POLR2K: variants seen among roughly 807,000 people sequenced by gnomAD.
POLR2K encodes DNA-directed RNA polymerases I, II, and III subunit RPABC4.
Under a neutral mutation model 10.1 loss-of-function variants are expected in POLR2K, and 9 were observed. The ratio of observed to expected loss-of-function variants is 0.89; its 90% CI spans 0.54 to 1.56. The LOEUF (loss-of-function observed/expected upper bound fraction) is 1.56. Among genes scored for constraint, POLR2K ranks in the 40% most tolerant of loss-of-function variants. The probability of loss-of-function intolerance (pLI) is 0.00; values close to 1 mark genes in which losing one functional copy is unlikely to be tolerated. For synonymous variants in POLR2K, 19 were observed against 20.3 expected, an observed-to-expected ratio of 0.94 and a Z score of 0.17; for missense variants, 53 against 71.9, an observed-to-expected ratio of 0.74 and a Z score of 0.95.
In POLR2K at chr8:100,153,408, G is replaced by A. The variant is rs1051587137; in HGVS notation, c.*92G>A. The stretch of plus-strand genomic sequence containing the variant: ...TGTATAGCTTTCGATTTTGCTTACA[G>A]TAGTTCCCCCTTATCTTCGGGAGAT... On this transcript the variant is annotated 3_prime_UTR_variant, in exon 4 of 4. Transcript: ENST00000353107. 3.5e-6 allele frequency: 4 copies of A among 1,132,416 alleles called. No homozygotes were observed. In the Admixed American group the frequency reaches 7.3e-5, roughly 21 times the overall value. 70.1% of individuals were successfully genotyped at this position (1,132,416 alleles called of 1,614,324 possible). A position where few individuals can be genotyped will look rare whatever the true frequency, so the allele number is the denominator to read the frequency against.
In POLR2K at chr8:100,153,935, G is replaced by C. The variant is rs987702970; in HGVS notation, c.*619G>C. ...TAATCAAAACCTAGAATCATCTGCA[G>C]TCCTTGTTAAAAATGCAGGTTTCTA... is the stretch of plus-strand genomic sequence containing the variant. On this transcript the variant is annotated 3_prime_UTR_variant, in exon 4 of 4. Coordinates refer to ENST00000353107, the MANE Select transcript of POLR2K (RefSeq NM_005034.4). The C allele has an allele frequency of 6.6e-6, 1 of 152,274 alleles. No individual in the cohort carries two copies. Among genetic ancestry groups the C allele is most frequent in the Middle Eastern group, 3.4e-3 (1 of 294 alleles). 9.4% of individuals were successfully genotyped at this position (152,274 alleles called of 1,614,324 possible). A position where few individuals can be genotyped will look rare whatever the true frequency, so the allele number is the denominator to read the frequency against.
chr8:100,153,345 C>T lies in POLR2K; in HGVS notation c.*29C>T. On this transcript the variant is annotated 3_prime_UTR_variant, in exon 4 of 4. Transcript: ENST00000353107. ...CTGGGAATTCAGAGGAATGTCTTCA[C>T]TTATACTTGGATTTGCTCTCTTCCC... 1 of 1,594,522 alleles carries T rather than the reference C, an allele frequency of 6.3e-7. No individual in the cohort carries two copies. Among genetic ancestry groups the T allele is most frequent in the Non-Finnish European group, 8.6e-7 (1 of 1,163,192 alleles).
rs200510163 is a variant in POLR2K at position 100,151,404 on chromosome 8, T to C, written c.49T>C (p.Tyr17His). 19 of 1,601,720 alleles carry C rather than the reference T, an allele frequency of 1.2e-5. No homozygotes were observed. Among genetic ancestry groups the C allele is most frequent in the Admixed American group, 3.3e-5 (2 of 59,998 alleles). ...VQPPKQQPMI[Y>H]ICGECHTENE... The stretch of plus-strand genomic sequence containing the variant: ...ACCTCCAAAGCAGCAACCAATGATA[T>C]ATATCTGTGGAGGTAAGAGTAGCAC... The change falls in exon 2 of 4, where the codon TAT becomes CAT. Residue 17 changes from tyrosine to histidine, a missense_variant. By Grantham distance (83) the Tyr-to-His change is moderately conservative (BLOSUM62 2). Transcript: ENST00000353107.
At position 100,151,415 on chromosome 8, in the gene POLR2K, AG is replaced by A; in HGVS notation, c.61+1del. On this transcript the variant is annotated frameshift_variant and splice_region_variant, in exon 2 of 4. Coordinates refer to ENST00000353107, the MANE Select transcript of POLR2K (RefSeq NM_005034.4). LOFTEE classifies it high-confidence loss of function. The stretch of plus-strand genomic sequence containing the variant: ...AGCAACCAATGATATATATCTGTGG[AG>A]GTAAGAGTAGCACTTACCTAAAGTA... Reference protein sequence around the residue: ...KQQPMIYICGECHTENEIKSR... With the variant: ...KQQPMIYICGXCHTENEIKSR... 2.6e-6 allele frequency: 4 copies of A among 1,567,636 alleles called. No homozygotes were observed. Among genetic ancestry groups the A allele is most frequent in the Non-Finnish European group, 3.5e-6 (4 of 1,137,604 alleles).
rs754491099 is a variant in POLR2K, at chr8:100,151,389, C to T, written c.34C>T (p.Gln12Ter). Residue 12 changes from glutamine to a stop codon, truncating the protein, a stop_gained, in exon 2 of 4, where the codon CAG (glutamine) becomes TAG (stop). Transcript: ENST00000353107. LOFTEE classifies it high-confidence loss of function. ...DTQKDVQPPK[Q>*]QPMIYICGEC... ...CCAGAAGGACGTTCAACCTCCAAAG[C>T]AGCAACCAATGATATATATCTGTGG... is the stretch of plus-strand genomic sequence containing the variant. 3.1e-6 allele frequency: 5 copies of T among 1,608,614 alleles called. No individual in the cohort carries two copies. The highest frequency in any genetic ancestry group is 4.3e-6 in the Non-Finnish European group (5 of 1,174,960).
At chr8:100,152,018 T>C (rs1245325947) in intron 3 of POLR2K, 102 bp downstream of exon 3, 2 of 697,178 alleles carry the variant, frequency 2.9e-6, no homozygotes, top group East Asian at 5.5e-5. Context: ...CTTTCTGGAT[T>C]ACAGTACTTA....
At position 100,151,375 on chromosome 8, in the gene POLR2K, T is replaced by C. The variant is rs1352092858; in HGVS notation, c.20T>C (p.Val7Ala). Reference protein sequence around the residue: MDTQKDVQPPKQQPMIY... With the variant: MDTQKDAQPPKQQPMIY... The stretch of plus-strand genomic sequence containing the variant: ...CTAACAATGGACACCCAGAAGGACG[T>C]TCAACCTCCAAAGCAGCAACCAATG... Residue 7 changes from valine to alanine, a missense_variant, in exon 2 of 4, where the codon GTT becomes GCT. Val to Ala is a moderately conservative substitution (Grantham distance 64). Transcript: ENST00000353107. 3 of 1,610,742 alleles carry C rather than the reference T, an allele frequency of 1.9e-6. No homozygotes were observed. The Admixed American group carries it at 5.0e-5, about 27-fold the overall frequency.
chr8:100,152,033 AC>A lies in POLR2K; in HGVS notation c.154+118del, dbSNP rs958188432. 36 of 673,134 alleles carry A rather than the reference AC, an allele frequency of 5.3e-5. No homozygotes were observed. The African/African-American group carries it at 6.0e-4, about 11-fold the overall frequency. The allele number at this position is 673,134 out of a possible 1,614,324, so 41.7% of individuals were successfully genotyped here. On this transcript the variant is annotated intron_variant, in intron 3 of 3. Coordinates refer to ENST00000353107, the MANE Select transcript of POLR2K (RefSeq NM_005034.4). ...CTTTCTGGATTACAGTACTTAAAAAACAAACATGATTAGCATTTTCATGGAC... is the reference window on the plus strand; with the variant it reads ...CTTTCTGGATTACAGTACTTAAAAAAAAACATGATTAGCATTTTCATGGAC...
chr8:100,153,150 G>A (rs1237992524), intron 3 of POLR2K, 144 bp from the exon 4 acceptor site: 1 of 611,256 alleles, frequency 1.6e-6, no homozygotes, highest in East Asian at 2.9e-5. Flanking sequence ...AAAACCAGTT[G>A]TCATAGTAAA....
chr8:100,153,638 A>G lies in POLR2K; in HGVS notation c.*322A>G, dbSNP rs1425733313. ...GGTTGGTCTCTCTTGCTTTCAAAATATCTTCTTGTACAGTACTCACCTATT... is the reference window on the plus strand; with the variant it reads ...GGTTGGTCTCTCTTGCTTTCAAAATGTCTTCTTGTACAGTACTCACCTATT... On this transcript the variant is annotated 3_prime_UTR_variant, in exon 4 of 4. Coordinates refer to ENST00000353107, the MANE Select transcript of POLR2K (RefSeq NM_005034.4). 4.3e-6 allele frequency: 1 copy of G among 230,156 alleles called. No homozygotes were observed. Among genetic ancestry groups the G allele is most frequent in the Non-Finnish European group, 8.4e-6 (1 of 119,618 alleles). 14.3% of individuals were successfully genotyped at this position (230,156 alleles called of 1,614,324 possible).
In POLR2K at chr8:100,152,229, A is replaced by G. The variant is rs1814929813; in HGVS notation, c.154+313A>G. 7 of 495,144 alleles carry G rather than the reference A, an allele frequency of 1.4e-5. No individual in the cohort carries two copies. In the South Asian group the frequency reaches 1.5e-4, roughly 11 times the overall value. 30.7% of individuals were successfully genotyped at this position (495,144 alleles called of 1,614,324 possible). A position where few individuals can be genotyped will look rare whatever the true frequency, so the allele number is the denominator to read the frequency against. Reference sequence around the variant, plus strand: ...AGAAACCTAGACCGTATATCCTACTATACATACACATCTAGGCTATATGGT... The same window carrying G: ...AGAAACCTAGACCGTATATCCTACTGTACATACACATCTAGGCTATATGGT... On this transcript the variant is annotated intron_variant, in intron 3 of 3. Transcript: ENST00000353107.
rs1248395016 is a variant in POLR2K at position 100,150,646 on chromosome 8, C to T, written c.-73C>T. 6.6e-6 allele frequency: 1 copy of T among 152,382 alleles called. No individual in the cohort carries two copies. The highest frequency in any genetic ancestry group is 6.5e-5 in the Admixed American group (1 of 15,290). The allele number at this position is 152,382 out of a possible 1,614,324, so 9.4% of individuals were successfully genotyped here. A position where few individuals can be genotyped will look rare whatever the true frequency, so the allele number is the denominator to read the frequency against. ...TCATGTACCAGCGCCGGAAGTTGGT[C>T]TCGACACCTGGACTAGCCGGGTTGT... is the stretch of plus-strand genomic sequence containing the variant. On this transcript the variant is annotated 5_prime_UTR_variant, in exon 1 of 4. Coordinates refer to ENST00000353107, the MANE Select transcript of POLR2K (RefSeq NM_005034.4).
At chr8:100,151,439 G>A (rs768740583) in intron 2 of POLR2K, 23 bp downstream of exon 2, 10 of 1,439,110 alleles carry the variant, frequency 6.9e-6, no homozygotes, top group Non-Finnish European at 9.8e-6. Flanking sequence ...CTTACCTAAA[G>A]TAAGAATATT....
intron 3 of POLR2K, chr8:100,152,324 A>G (rs1037998926): frequency 4.8e-6 from 1 of 207,382 alleles, no homozygotes; most frequent in East Asian, 1.2e-4. Context: ...TTGTAACACA[A>G]TGTTTTTGTA....
In POLR2K at chr8:100,152,275, T is replaced by G; in HGVS notation, c.154+359T>G. On this transcript the variant is annotated intron_variant, in intron 3 of 3. Transcript: ENST00000353107. ...ATGGTATAGCTTATTGCTGCTAGGCTACACACCTGTACAGCATGCTATTGT... is the reference window on the plus strand; with the variant it reads ...ATGGTATAGCTTATTGCTGCTAGGCGACACACCTGTACAGCATGCTATTGT... 3 of 358,250 alleles carry G rather than the reference T, an allele frequency of 8.4e-6. No individual in the cohort carries two copies. The South Asian group carries it at 1.2e-4, about 15-fold the overall frequency. 22.2% of individuals were successfully genotyped at this position (358,250 alleles called of 1,614,324 possible).
chr8:100,152,887 C>T (rs536111886), intron 3 of POLR2K, among the ~76,000 whole-genome samples: 46 of 152,200 alleles, frequency 3.0e-4, no homozygotes, highest in Middle Eastern at 3.4e-3. Context: ...CCTGCCTCAG[C>T]CTCCTGAGTA....
chr8:100,153,435 C>T lies in POLR2K; in HGVS notation c.*119C>T. The T allele has an allele frequency of 3.7e-6, 3 of 820,386 alleles. No homozygotes were observed. In the South Asian group the frequency reaches 4.7e-5, roughly 13 times the overall value. 50.8% of individuals were successfully genotyped at this position (820,386 alleles called of 1,614,324 possible). A position where few individuals can be genotyped will look rare whatever the true frequency, so the allele number is the denominator to read the frequency against. On this transcript the variant is annotated 3_prime_UTR_variant, in exon 4 of 4. Transcript: ENST00000353107. ...AGTTCCCCCTTATCTTCGGGAGATA[C>T]ATTCCAAGGCCCCCAGTGAACTCCT...
In POLR2K at chr8:100,153,564, A is replaced by G. The variant is rs1372659181; in HGVS notation, c.*248A>G. The stretch of plus-strand genomic sequence containing the variant: ...TTAAGCATAGCAAGAGATTAATAAT[A>G]ATGTAATAGAACAATGATAACATAC... On this transcript the variant is annotated 3_prime_UTR_variant, in exon 4 of 4. Coordinates refer to ENST00000353107, the MANE Select transcript of POLR2K (RefSeq NM_005034.4). 2.8e-6 allele frequency: 1 copy of G among 361,906 alleles called. No homozygotes were observed. The highest frequency in any genetic ancestry group is 4.9e-6 in the Non-Finnish European group (1 of 204,148). 22.4% of individuals were successfully genotyped at this position (361,906 alleles called of 1,614,324 possible).
intron 3 of POLR2K, 98 bp downstream of exon 3, chr8:100,152,014 G>T: frequency 1.4e-6 from 1 of 707,058 alleles, no homozygotes; most frequent in South Asian, 1.6e-5. Flanking sequence ...ATAACTTTCT[G>T]GATTACAGTA....
Sources: allele counts gnomAD v4.1 joint callset (sites outside exome capture counted in the v4.1 genomes callset), GRCh38; gene constraint gnomAD v4.1.1; transcripts MANE v1.5; gene names NCBI Gene and HGNC (gene_info 2026-07-23, HGNC 2026-07-21).